GPM6A: variants seen among roughly 807,000 people sequenced by gnomAD.
GPM6A encodes neuronal membrane glycoprotein M6-a.
Under a neutral mutation model 32.1 loss-of-function variants are expected in GPM6A, and 7 were observed. The observed-to-expected ratio is 0.22, with a 90% CI of 0.12 to 0.41. GPM6A has a LOEUF of 0.41. Ranked by LOEUF, GPM6A falls within the 10% of genes least tolerant of loss-of-function variation. GPM6A has a pLI of 1.00. For missense variants in GPM6A, 235 were observed against 347.2 expected (o/e 0.68, Z 2.57); for synonymous variants, 130 against 123.4 (o/e 1.05, Z -0.35).
At chr4:175,678,866 A>G (rs1288792911) in intron 2 of GPM6A, among the ~76,000 whole-genome samples, 3 of 152,168 alleles carry the variant, frequency 2.0e-5, no homozygotes, top group Non-Finnish European at 4.4e-5. Flanking sequence ...TACAGAAAAA[A>G]GTTGAATAAA....
At chr4:175,773,920 A>C (rs1733291413) in intron 1 of GPM6A, among the ~76,000 whole-genome samples, 1 of 152,040 alleles carries the variant, frequency 6.6e-6, no homozygotes, top group Non-Finnish European at 1.5e-5. Context: ...ATACCATTTC[A>C]TAAATATTAA....
chr4:175,914,745 G>A (rs1327966064), intron 1 of GPM6A, among the ~76,000 whole-genome samples: 1 of 152,108 alleles, frequency 6.6e-6, no homozygotes, highest in East Asian at 1.9e-4. Context: ...AGCGAGGGGG[G>A]GCCACTTGGG....
intron 1 of GPM6A, among the ~76,000 whole-genome samples, chr4:175,861,751 A>G (rs1736581534): frequency 2.8e-5 from 2 of 71,750 alleles, no homozygotes; most frequent in Non-Finnish European, 6.6e-5. Flanking sequence ...GAGACTCTGA[A>G]AAAAAAAAAA....
At chr4:175,912,565 G>C (rs1019688492) in intron 1 of GPM6A, among the ~76,000 whole-genome samples, 1 of 152,176 alleles carries the variant, frequency 6.6e-6, no homozygotes, top group Non-Finnish European at 1.5e-5. Context: ...TGAGGCAGGA[G>C]AATGGCTTGA....
chr4:175,880,870 C>T (rs972867289), intron 1 of GPM6A, among the ~76,000 whole-genome samples: 1 of 152,218 alleles, frequency 6.6e-6, no homozygotes, highest in South Asian at 2.1e-4. Context: ...AATTGAATAC[C>T]CTTTATTTCT....
chr4:175,656,451 G>T (rs1262589599), intron 3 of GPM6A, among the ~76,000 whole-genome samples: 1 of 151,964 alleles, frequency 6.6e-6, no homozygotes, highest in African/African-American at 2.4e-5. Flanking sequence ...CAACAAAATT[G>T]TTACGAATTA....
intron 1 of GPM6A, among the ~76,000 whole-genome samples, chr4:175,760,837 G>T (rs1732709859): frequency 6.6e-6 from 1 of 152,022 alleles, no homozygotes; most frequent in South Asian, 2.1e-4. Flanking sequence ...AGAAATGTTT[G>T]TCTGGGTACA....
chr4:175,777,898 C>T (rs900965453), intron 1 of GPM6A, among the ~76,000 whole-genome samples: 10 of 152,200 alleles, frequency 6.6e-5, no homozygotes, highest in East Asian at 3.9e-4. Flanking sequence ...TCTTTGATAA[C>T]ATTTACATAT....
intron 1 of GPM6A, among the ~76,000 whole-genome samples, chr4:175,875,229 T>C (rs1579587134): frequency 6.6e-6 from 1 of 152,350 alleles, no homozygotes; most frequent in Non-Finnish European, 1.5e-5. Flanking sequence ...GTTTCTGGCT[T>C]CTGGAGCTGG....
chr4:175,647,123 C>G (rs1261352426), intron 4 of GPM6A, among the ~76,000 whole-genome samples: 1 of 152,228 alleles, frequency 6.6e-6, no homozygotes, highest in Non-Finnish European at 1.5e-5. Flanking sequence ...TAAAAACAAG[C>G]TGCTCTCGCT....
intron 1 of GPM6A, among the ~76,000 whole-genome samples, chr4:175,847,522 C>T (rs1736127955): frequency 6.6e-6 from 1 of 152,092 alleles, no homozygotes; most frequent in Non-Finnish European, 1.5e-5. Context: ...TAGTAGCCTT[C>T]CTGGTTATCA....
intron 1 of GPM6A, among the ~76,000 whole-genome samples, chr4:175,709,658 G>A (rs139472269): frequency 0.1 from 15,046 of 149,494 alleles, 987 homozygotes; most frequent in East Asian, 0.26. Flanking sequence ...AACCCGGGAG[G>A]TGGAAGTTTC....
intron 4 of GPM6A, among the ~76,000 whole-genome samples, chr4:175,644,158 C>G (rs1372225387): frequency 6.4e-5 from 8 of 124,648 alleles, no homozygotes; most frequent in African/African-American, 2.4e-4. Context: ...GAGTCTCGCT[C>G]TTTTGCCCAG....
intron 1 of GPM6A, among the ~76,000 whole-genome samples, chr4:175,728,842 C>A (rs1278624694): frequency 6.6e-6 from 1 of 152,116 alleles, no homozygotes; most frequent in African/African-American, 2.4e-5. Context: ...AATACTTTTT[C>A]TGCTACTGAG....
chr4:175,689,045 G>C (rs1395889841), intron 2 of GPM6A, among the ~76,000 whole-genome samples: 1 of 152,038 alleles, frequency 6.6e-6, no homozygotes, highest in Non-Finnish European at 1.5e-5. Flanking sequence ...TGTAGAGATA[G>C]GGATTACGAA....
chr4:175,801,810 G>T (rs1479009655), intron 1 of GPM6A, among the ~76,000 whole-genome samples: 1 of 152,064 alleles, frequency 6.6e-6, no homozygotes, highest in Non-Finnish European at 1.5e-5. Flanking sequence ...GCCAAATATT[G>T]CAATGATTAT....
intron 2 of GPM6A, among the ~76,000 whole-genome samples, chr4:175,676,525 G>A (rs1452369451): frequency 3.9e-5 from 6 of 152,192 alleles, no homozygotes; most frequent in Admixed American, 3.9e-4. Flanking sequence ...GAGGTGAGAG[G>A]ATCACTTGAA....
chr4:175,812,350 C>G, upstream of GPM6A: 1 of 606,382 alleles, frequency 1.6e-6, no homozygotes, highest in Non-Finnish European at 2.4e-6. Flanking sequence ...TCCTGGGAAG[C>G]TCCAACAGCA....
intron 1 of GPM6A, among the ~76,000 whole-genome samples, chr4:175,823,093 G>C (rs1735329270): frequency 6.6e-6 from 1 of 152,098 alleles, no homozygotes; most frequent in African/African-American, 2.4e-5. Context: ...TCTTTCATGT[G>C]AGAAAATTGA....
Sources: allele counts gnomAD v4.1 joint callset (sites outside exome capture counted in the v4.1 genomes callset), GRCh38; gene constraint gnomAD v4.1.1; transcripts MANE v1.5; gene names NCBI Gene and HGNC (gene_info 2026-07-23, HGNC 2026-07-21).